Variants in SLC39A11 observed in about 807,000 individuals in gnomAD.
SLC39A11 encodes zinc transporter ZIP11.
Under a neutral mutation model 36.1 loss-of-function variants are expected in SLC39A11, and 33 were observed. The ratio of observed to expected loss-of-function variants is 0.91; its 90% CI spans 0.69 to 1.22. The LOEUF (loss-of-function observed/expected upper bound fraction) is 1.22. Ranked by LOEUF, SLC39A11 falls within the 50% of genes most tolerant of loss-of-function variation. The probability of loss-of-function intolerance (pLI) is 0.00; values close to 1 mark genes in which losing one functional copy is unlikely to be tolerated. For synonymous variants in SLC39A11, 166 were observed against 170.3 expected, an observed-to-expected ratio of 0.97 and a Z score of 0.20; for missense variants, 432 against 430.3, an observed-to-expected ratio of 1.00 and a Z score of -0.03.
At chr17:72,847,725 C>T (rs1410976262) in intron 6 of SLC39A11, among the ~76,000 whole-genome samples, 1 of 152,098 alleles carries the variant, frequency 6.6e-6, no homozygotes, top group Non-Finnish European at 1.5e-5. Context: ...CTTCATTGTG[C>T]AAGCAAAACA....
chr17:72,827,999 C>A (rs2078104013), intron 6 of SLC39A11, among the ~76,000 whole-genome samples: 1 of 152,238 alleles, frequency 6.6e-6, no homozygotes, highest in African/African-American at 2.4e-5. Context: ...GGAAGACACA[C>A]TGGGCAGTGA....
Position 72,647,673 on chromosome 17 carries a change from A to G in SLC39A11, c.930-11T>C. 1 of 1,612,684 alleles carries G rather than the reference A, an allele frequency of 6.2e-7. No individual in the cohort carries two copies. Among genetic ancestry groups the G allele is most frequent in the Non-Finnish European group, 8.5e-7 (1 of 1,178,920 alleles). ...AGTTTCCCATTACCACTGGAAGAGA[A>G]GGACAGGAAGAAAAGTAAGACCTTA... On this transcript the variant is annotated splice_polypyrimidine_tract_variant and intron_variant, in intron 9 of 9. Transcript: ENST00000255559.
At chr17:72,929,362 C>G (rs1395813236) in intron 5 of SLC39A11, among the ~76,000 whole-genome samples, 1 of 152,132 alleles carries the variant, frequency 6.6e-6, no homozygotes, top group Non-Finnish European at 1.5e-5. Context: ...AGAACTGGCC[C>G]GCCCCAAATG....
chr17:72,963,169 C>CTTTTT lies in SLC39A11; in HGVS notation c.307-15299_307-15295dup, dbSNP rs5821936. Reference sequence around the variant, plus strand: ...TGGGGTATAATTCTTTTTTTCCTTTCTTTTTTTTTTTTTTTTTTTGAGATG... The same window carrying CTTTTT: ...TGGGGTATAATTCTTTTTTTCCTTTCTTTTTTTTTTTTTTTTTTTTTTTTGAGATG... On this transcript the variant is annotated intron_variant, in intron 4 of 9. Coordinates refer to ENST00000255559, the MANE Select transcript of SLC39A11 (RefSeq NM_139177.4). Among the ~76,000 whole-genome samples, 84 of 114,512 alleles carry CTTTTT rather than the reference C, an allele frequency of 7.3e-4. 2 individuals carry two copies. The highest frequency in any genetic ancestry group is 9.0e-4 in the African/African-American group (26 of 28,852). The allele number at this position is 114,512 out of a possible 152,430, so 75.1% of individuals were successfully genotyped here.
chr17:72,755,709 G>A (rs910424353), intron 6 of SLC39A11, among the ~76,000 whole-genome samples: 2 of 152,216 alleles, frequency 1.3e-5, no homozygotes, highest in African/African-American at 4.8e-5. Flanking sequence ...AGATGGGCAG[G>A]CAGGTGCTCA....
intron 4 of SLC39A11, among the ~76,000 whole-genome samples, chr17:72,975,929 G>C (rs2087808896): frequency 6.6e-6 from 1 of 152,090 alleles, no homozygotes; most frequent in South Asian, 2.1e-4. Context: ...CCAGCACTTT[G>C]GGAGGCTGAG....
intron 6 of SLC39A11, chr17:72,837,910 T>C: frequency 8.2e-7 from 1 of 1,217,406 alleles, no homozygotes; most frequent in Non-Finnish European, 1.0e-6. Context: ...TGACTGCTAA[T>C]AAGCATGCAG....
chr17:72,686,974 T>G (rs995151754), intron 7 of SLC39A11, among the ~76,000 whole-genome samples: 6 of 152,198 alleles, frequency 3.9e-5, no homozygotes, highest in African/African-American at 1.4e-4. Context: ...TTTTCCAAAT[T>G]AATCAGGAGG....
At position 72,698,231 on chromosome 17, in the gene SLC39A11, C is replaced by T. The variant is rs542277061; in HGVS notation, c.671+38419G>A. On this transcript the variant is annotated intron_variant, in intron 7 of 9. Transcript: ENST00000255559. ...GAGAAGAAAAAGCCATTTTCTGGAT[C>T]TCTTTCCAGAAAGGAAGTTGAATGT... 4.6e-5 allele frequency among the ~76,000 whole-genome samples: 7 copies of T among 152,096 alleles called. No individual in the cohort carries two copies. In the East Asian group the frequency reaches 1.3e-3, roughly 29 times the overall value.
chr17:72,722,182 C>T (rs1360453710), intron 7 of SLC39A11, among the ~76,000 whole-genome samples: 2 of 152,078 alleles, frequency 1.3e-5, no homozygotes, highest in African/African-American at 2.4e-5. Flanking sequence ...ATTCAAGAAT[C>T]GAGATCCCTC....
intron 7 of SLC39A11, among the ~76,000 whole-genome samples, chr17:72,682,097 G>C (rs1223638600): frequency 6.6e-6 from 1 of 152,282 alleles, no homozygotes; most frequent in Middle Eastern, 3.4e-3. Context: ...ATCGTGAACC[G>C]CACATGCAAG....
At chr17:73,083,010 C>T (rs1403765329) in intron 3 of SLC39A11, among the ~76,000 whole-genome samples, 1 of 53,150 alleles carries the variant, frequency 1.9e-5, no homozygotes, top group African/African-American at 7.7e-5. Context: ...AGGGAGACTC[C>T]ATTTCAAAAA....
At chr17:72,946,275 C>T (rs1486110647) in intron 5 of SLC39A11, among the ~76,000 whole-genome samples, 1 of 152,232 alleles carries the variant, frequency 6.6e-6, no homozygotes, top group African/African-American at 2.4e-5. Context: ...ATGATTTAAG[C>T]TCACATTGGA....
chr17:72,891,762 A>G (rs980579825), intron 5 of SLC39A11, among the ~76,000 whole-genome samples: 2 of 151,896 alleles, frequency 1.3e-5, no homozygotes, highest in Non-Finnish European at 2.9e-5. Flanking sequence ...TATAAAGCCA[A>G]TAGAAATGAT....
In SLC39A11 at chr17:72,779,433, A is replaced by G. The variant is rs2076236123; in HGVS notation, c.602-42714T>C. On this transcript the variant is annotated intron_variant, in intron 6 of 9. Transcript: ENST00000255559. Reference sequence around the variant, plus strand: ...GAGTGAGAGTCAGTCTCAAAAAAATAAAAATAAAATAAAATAAAAAAATAA... The same window carrying G: ...GAGTGAGAGTCAGTCTCAAAAAAATGAAAATAAAATAAAATAAAAAAATAA... Among the ~76,000 whole-genome samples the G allele has an allele frequency of 2.3e-5, 3 of 130,514 alleles. No homozygotes were observed. The South Asian group carries it at 6.8e-4, about 29-fold the overall frequency. 85.6% of individuals were successfully genotyped at this position (130,514 alleles called of 152,430 possible).
chr17:72,884,486 T>C (rs1405718530), intron 5 of SLC39A11, among the ~76,000 whole-genome samples: 1 of 152,246 alleles, frequency 6.6e-6, no homozygotes, highest in East Asian at 1.9e-4. Context: ...AATAATCTCC[T>C]CTTGGCTTTA....
chr17:73,085,243 A>C (rs528842438), intron 2 of SLC39A11, among the ~76,000 whole-genome samples: 1 of 152,162 alleles, frequency 6.6e-6, no homozygotes, highest in African/African-American at 2.4e-5. Context: ...CACAGTGCTC[A>C]CATGTGTAAT....
At chr17:72,681,471 G>A (rs1167191226) in intron 7 of SLC39A11, among the ~76,000 whole-genome samples, 2 of 152,196 alleles carry the variant, frequency 1.3e-5, no homozygotes, top group Non-Finnish European at 2.9e-5. Flanking sequence ...AGAGACCAGT[G>A]GAGGCTGGTG....
chr17:72,848,551 C>G (rs1423953896), intron 6 of SLC39A11, among the ~76,000 whole-genome samples: 3 of 152,004 alleles, frequency 2.0e-5, no homozygotes, highest in Non-Finnish European at 2.9e-5. Flanking sequence ...GAAACCCCAT[C>G]TCTACTAAAA....
Sources: allele counts gnomAD v4.1 joint callset (sites outside exome capture counted in the v4.1 genomes callset), GRCh38; gene constraint gnomAD v4.1.1; transcripts MANE v1.5; gene names NCBI Gene and HGNC (gene_info 2026-07-23, HGNC 2026-07-21).